The following MIEN1 variants were observed in gnomAD, a reference collection of about 807,000 sequenced individuals.
MIEN1 encodes the protein migration and invasion enhancer 1.
A neutral mutation model predicts 15.5 loss-of-function variants in MIEN1; 12 were observed. The observed-to-expected ratio is 0.78, with a 90% CI of 0.50 to 1.26. The LOEUF (loss-of-function observed/expected upper bound fraction) is 1.26, where lower values mean the gene tolerates loss of function less well. Among genes scored for constraint, MIEN1 ranks in the 50% most tolerant of loss-of-function variants. The probability of loss-of-function intolerance (pLI) is 0.00; values close to 1 mark genes in which losing one functional copy is unlikely to be tolerated. For missense variants in MIEN1, 160 were observed against 151.7 expected (o/e 1.05, Z -0.29); for synonymous variants, 63 against 62.8 (o/e 1.00, Z -0.02).
At chr17:39,729,945 G>A (rs2059926541) in intron 2 of MIEN1, 184 bp from the exon 3 acceptor site, 3 of 765,644 alleles carry the variant, frequency 3.9e-6, no homozygotes, top group Non-Finnish European at 4.2e-6. Context: ...TCGCCTGTGT[G>A]CCCCTCGCAA....
At position 39,729,424 on chromosome 17, in the gene MIEN1, C is replaced by A; in HGVS notation, c.*98G>T. ...AGGCCAGGGTCTCTTTGCTAAGGAGCTAAGTAGGGGAAAGAGGCAGGGGGA... is the reference window on the plus strand; with the variant it reads ...AGGCCAGGGTCTCTTTGCTAAGGAGATAAGTAGGGGAAAGAGGCAGGGGGA... On this transcript the variant is annotated 3_prime_UTR_variant, in exon 4 of 4. Transcript: ENST00000394231. The A allele has an allele frequency of 2.7e-6, 4 of 1,490,772 alleles. No individual in the cohort carries two copies. Among genetic ancestry groups the A allele is most frequent in the Non-Finnish European group, 3.7e-6 (4 of 1,082,154 alleles). The allele number at this position is 1,490,772 out of a possible 1,614,324, so 92.3% of individuals were successfully genotyped here.
rs2059927694 is a variant in MIEN1 at position 39,730,076 on chromosome 17, T to C, written c.187+118A>G. 7.0e-6 allele frequency: 7 copies of C among 1,005,878 alleles called. No individual in the cohort carries two copies. The East Asian group carries it at 1.8e-4, about 26-fold the overall frequency. The allele number at this position is 1,005,878 out of a possible 1,614,324, so 62.3% of individuals were successfully genotyped here. A position where few individuals can be genotyped will look rare whatever the true frequency, so the allele number is the denominator to read the frequency against. On this transcript the variant is annotated intron_variant, in intron 2 of 3. Transcript: ENST00000394231. The stretch of plus-strand genomic sequence containing the variant: ...AGGGAACTCATGTTGGCCGGACATT[T>C]TACCATGTGCCAGGCACTGCGGGCA...
Position 39,730,500 on chromosome 17 carries a change from G to T in MIEN1, c.-5C>A. 1 of 1,530,734 alleles carries T rather than the reference G, an allele frequency of 6.5e-7. No homozygotes were observed. The allele number at this position is 1,530,734 out of a possible 1,614,324, so 94.8% of individuals were successfully genotyped here. A position where few individuals can be genotyped will look rare whatever the true frequency, so the allele number is the denominator to read the frequency against. The stretch of plus-strand genomic sequence containing the variant: ...CTGCCCCGGCTCCCCGCTCATCGCG[G>T]CCGGCTCCGCTCGGGCCCCTGCTTC... On this transcript the variant is annotated 5_prime_UTR_variant, in exon 1 of 4. Transcript: ENST00000394231.
In MIEN1 at chr17:39,729,445, G is replaced by A. The variant is rs1286452010; in HGVS notation, c.*77C>T. The A allele has an allele frequency of 6.9e-6, 11 of 1,585,150 alleles. No individual in the cohort carries two copies. The East Asian group carries it at 2.5e-4, about 35-fold the overall frequency. ...GGAGCTAAGTAGGGGAAAGAGGCAG[G>A]GGGAGCTCCCAGCAGGACCAAAGGG... On this transcript the variant is annotated 3_prime_UTR_variant, in exon 4 of 4. Coordinates refer to ENST00000394231, the MANE Select transcript of MIEN1 (RefSeq NM_032339.5).
rs756490381 is a variant in MIEN1, at chr17:39,729,280, C to T, written c.*242G>A. Reference sequence around the variant, plus strand: ...GAAGAGTGGACTGGGCTTTCGTGGGCACTTACCCTGGGAAGGGGGTATGAG... The same window carrying T: ...GAAGAGTGGACTGGGCTTTCGTGGGTACTTACCCTGGGAAGGGGGTATGAG... On this transcript the variant is annotated 3_prime_UTR_variant, in exon 4 of 4. Transcript: ENST00000394231. The T allele has an allele frequency of 6.2e-5, 35 of 568,200 alleles. No individual in the cohort carries two copies. Among genetic ancestry groups the T allele is most frequent in the Admixed American group, 9.4e-5 (3 of 31,820 alleles). The allele number at this position is 568,200 out of a possible 1,614,324, so 35.2% of individuals were successfully genotyped here.
chr17:39,730,314 T>G (rs1205955343), intron 1 of MIEN1, 23 bp from the exon 2 acceptor site: 3 of 1,552,218 alleles, frequency 1.9e-6, no homozygotes, highest in East Asian at 4.6e-5. Flanking sequence ...GAGATGGGGC[T>G]GGGCTGGGGA....
intron 2 of MIEN1, 157 bp from the exon 3 acceptor site, chr17:39,729,918 G>A (rs1597895750): frequency 1.1e-6 from 1 of 944,070 alleles, no homozygotes; most frequent in East Asian, 2.6e-5. Flanking sequence ...TCAACTCCAG[G>A]GAACCTGAGG....
At chr17:39,729,786 G>A (rs768187195) in intron 2 of MIEN1, 25 bp from the exon 3 acceptor site, 1 of 1,613,886 alleles carries the variant, frequency 6.2e-7, no homozygotes, top group Non-Finnish European at 8.5e-7. Context: ...ACAGATAAAT[G>A]GTACACTGAG....
rs988615678 is a variant in MIEN1 at position 39,729,270 on chromosome 17, C to G, written c.*252G>C. ...TTACCGAGGCGAAGAGTGGACTGGG[C>G]TTTCGTGGGCACTTACCCTGGGAAG... On this transcript the variant is annotated 3_prime_UTR_variant, in exon 4 of 4. Transcript: ENST00000394231. The G allele has an allele frequency of 4.3e-5, 24 of 555,092 alleles. No homozygotes were observed. The African/African-American group carries it at 4.3e-4, about 10-fold the overall frequency. The allele number at this position is 555,092 out of a possible 1,614,324, so 34.4% of individuals were successfully genotyped here.
rs766239192 is a variant in MIEN1, at chr17:39,730,331, G to A, written c.90-40C>T. 6.4e-6 allele frequency: 10 copies of A among 1,571,572 alleles called. No homozygotes were observed. The African/African-American group carries it at 1.1e-4, about 17-fold the overall frequency. ...GATGGGGCTGGGCTGGGGATTCGGG[G>A]GTGGGGCCTCCCGTGGACCCACCTC... is the stretch of plus-strand genomic sequence containing the variant. On this transcript the variant is annotated intron_variant, in intron 1 of 3. Transcript: ENST00000394231.
At position 39,730,197 on chromosome 17, in the gene MIEN1, T is replaced by G. The variant is rs758478029; in HGVS notation, c.184A>C (p.Thr62Pro). ...GIEIESRLGGTGAFEIEINGQ... is the reference protein window; with the variant it reads ...GIEIESRLGGPGAFEIEINGQ... ...GCAGGTGTTCTGCGAGCCTCACCTG[T>G]GCCCCCGAGGCGCGACTCGATCTCG... Residue 62 changes from threonine (T) to proline (P), a missense_variant, in exon 2 of 4, where the codon ACA becomes CCA. Transcript: ENST00000394231. The G allele has an allele frequency of 6.2e-7, 1 of 1,602,960 alleles. No homozygotes were observed. Among genetic ancestry groups the G allele is most frequent in the South Asian group, 1.1e-5 (1 of 89,984 alleles).
In MIEN1 at chr17:39,729,467, A is replaced by C; in HGVS notation, c.*55T>G. The C allele has an allele frequency of 6.2e-7, 1 of 1,610,472 alleles. No individual in the cohort carries two copies. The highest frequency in any genetic ancestry group is 8.5e-7 in the Non-Finnish European group (1 of 1,178,684). ...CAGGGGGAGCTCCCAGCAGGACCAA[A>C]GGGAGACCAAGGTTTGGACCCCAGA... On this transcript the variant is annotated 3_prime_UTR_variant, in exon 4 of 4. Transcript: ENST00000394231.
intron 2 of MIEN1, 30 bp downstream of exon 2, chr17:39,730,164 C>G (rs1286992028): frequency 1.3e-6 from 2 of 1,572,962 alleles, no homozygotes; most frequent in South Asian, 2.3e-5. Context: ...AGAGCACAGA[C>G]TGACCCAGCA....
chr17:39,730,264 G>C lies in MIEN1; in HGVS notation c.117C>G (p.Tyr39Ter). The C allele has an allele frequency of 6.2e-7, 1 of 1,609,184 alleles. No individual in the cohort carries two copies. The highest frequency in any genetic ancestry group is 8.5e-7 in the Non-Finnish European group (1 of 1,179,490). Residue 39 changes from tyrosine to a stop codon, truncating the protein, a stop_gained, in exon 2 of 4, where the codon TAC (tyrosine) becomes TAG (stop). Coordinates refer to ENST00000394231, the MANE Select transcript of MIEN1 (RefSeq NM_032339.5). LOFTEE classifies it high-confidence loss of function. ...CCTTCACAGCACTGGCCAGCTCCAG[G>C]TAGGTCGCCTCGAAGCCGCAGGGTT... is the stretch of plus-strand genomic sequence containing the variant. ...YCEPCGFEAT[Y>*]LELASAVKEQ...
rs1181507139 is a variant in MIEN1, at chr17:39,730,512, C to T, written c.-17G>A. On this transcript the variant is annotated 5_prime_UTR_variant, in exon 1 of 4. Transcript: ENST00000394231. ...CCCGCTCATCGCGGCCGGCTCCGCT[C>T]GGGCCCCTGCTTCCGGGTGTGACGC... The T allele has an allele frequency of 6.6e-7, 1 of 1,524,940 alleles. No individual in the cohort carries two copies. Among genetic ancestry groups the T allele is most frequent in the Non-Finnish European group, 8.8e-7 (1 of 1,142,250 alleles). 94.5% of individuals were successfully genotyped at this position (1,524,940 alleles called of 1,614,324 possible). A position where few individuals can be genotyped will look rare whatever the true frequency, so the allele number is the denominator to read the frequency against.
Position 39,729,423 on chromosome 17 carries a change from G to A in MIEN1, c.*99C>T, listed in dbSNP as rs2059919965. On this transcript the variant is annotated 3_prime_UTR_variant, in exon 4 of 4. Transcript: ENST00000394231. ...GAGGCCAGGGTCTCTTTGCTAAGGA[G>A]CTAAGTAGGGGAAAGAGGCAGGGGG... 1 of 1,482,918 alleles carries A rather than the reference G, an allele frequency of 6.7e-7. No individual in the cohort carries two copies. Among genetic ancestry groups the A allele is most frequent in the Non-Finnish European group, 9.3e-7 (1 of 1,074,748 alleles). The allele number at this position is 1,482,918 out of a possible 1,614,324, so 91.9% of individuals were successfully genotyped here. A position where few individuals can be genotyped will look rare whatever the true frequency, so the allele number is the denominator to read the frequency against.
rs755980905 is a variant in MIEN1 at position 39,728,521 on chromosome 17, GT to G, written c.*1000del. 2.2e-4 allele frequency: 53 copies of G among 237,450 alleles called. No individual in the cohort carries two copies. Among genetic ancestry groups the G allele is most frequent in the Non-Finnish European group, 3.9e-4 (47 of 121,080 alleles). 14.7% of individuals were successfully genotyped at this position (237,450 alleles called of 1,614,324 possible). A position where few individuals can be genotyped will look rare whatever the true frequency, so the allele number is the denominator to read the frequency against. On this transcript the variant is annotated 3_prime_UTR_variant, in exon 4 of 4. Coordinates refer to ENST00000394231, the MANE Select transcript of MIEN1 (RefSeq NM_032339.5). ...TTTGTACAGAGTGCTTTTCTGTTTAGTTTTTACTTTTTTTGTTTTGTTTTTT... is the reference window on the plus strand; with the variant it reads ...TTTGTACAGAGTGCTTTTCTGTTTAGTTTTACTTTTTTTGTTTTGTTTTTT...
chr17:39,729,447 G>A lies in MIEN1; in HGVS notation c.*75C>T. The A allele has an allele frequency of 6.3e-7, 1 of 1,583,848 alleles. No individual in the cohort carries two copies. The highest frequency in any genetic ancestry group is 8.6e-7 in the Non-Finnish European group (1 of 1,157,598). On this transcript the variant is annotated 3_prime_UTR_variant, in exon 4 of 4. Transcript: ENST00000394231. ...AGCTAAGTAGGGGAAAGAGGCAGGG[G>A]GAGCTCCCAGCAGGACCAAAGGGAG...
At position 39,729,365 on chromosome 17, in the gene MIEN1, T is replaced by G; in HGVS notation, c.*157A>C. 1 of 876,510 alleles carries G rather than the reference T, an allele frequency of 1.1e-6. No individual in the cohort carries two copies. Among genetic ancestry groups the G allele is most frequent in the Non-Finnish European group, 1.8e-6 (1 of 557,418 alleles). The allele number at this position is 876,510 out of a possible 1,614,324, so 54.3% of individuals were successfully genotyped here. A position where few individuals can be genotyped will look rare whatever the true frequency, so the allele number is the denominator to read the frequency against. Reference sequence around the variant, plus strand: ...TCCTGCCCCCAAGGCCACGGAATCTTCTATTCCTTCTTTGTACCCAAAGGG... The same window carrying G: ...TCCTGCCCCCAAGGCCACGGAATCTGCTATTCCTTCTTTGTACCCAAAGGG... On this transcript the variant is annotated 3_prime_UTR_variant, in exon 4 of 4. Transcript: ENST00000394231.
Sources: allele counts gnomAD v4.1 joint callset, GRCh38; gene constraint gnomAD v4.1.1; transcripts MANE v1.5; gene names NCBI Gene and HGNC (gene_info 2026-07-23, HGNC 2026-07-21).